The following SPAG17 variants were observed in gnomAD, a reference collection of about 807,000 sequenced individuals.
SPAG17 encodes the protein sperm-associated antigen 17.
A neutral mutation model predicts 273.6 loss-of-function variants in SPAG17; 169 were observed. The ratio of observed to expected loss-of-function variants is 0.62; its 90% confidence interval spans 0.55 to 0.70. SPAG17 has a LOEUF of 0.70. Among genes scored for constraint, SPAG17 ranks in the 30% least tolerant of loss-of-function variants. SPAG17 has a pLI of 0.00. For synonymous variants in SPAG17, 825 were observed against 873.2 expected, an observed-to-expected ratio of 0.94 and a Z score of 0.97; for missense variants, 2,557 against 2,627.8, an observed-to-expected ratio of 0.97 and a Z score of 0.59.
intron 31 of SPAG17, among the ~76,000 whole-genome samples, chr1:118,006,661 GTTGTTT>G (rs1421866524): frequency 9.2e-5 from 14 of 152,330 alleles, no homozygotes; most frequent in African/African-American, 3.4e-4. Context: ...GAAGTGCCAA[GTTGTTT>G]TCCAAAGTGA....
rs1223142264 is a variant in SPAG17, at chr1:118,028,409, GC to G, written c.3610-16del. 2 of 1,611,040 alleles carry G rather than the reference GC, an allele frequency of 1.2e-6. No homozygotes were observed. The highest frequency in any genetic ancestry group is 2.7e-5 in the African/African-American group (2 of 74,676). On this transcript the variant is annotated splice_polypyrimidine_tract_variant and intron_variant, in intron 25 of 48. Coordinates refer to ENST00000336338, the MANE Select transcript of SPAG17 (RefSeq NM_206996.4). ...ACTTCTTCTTCCTGTAAATAATTCA[GC>G]ATGTGAATAATGGGCTGTCATTTTC...
Position 118,185,070 on chromosome 1 carries a change from C to G in SPAG17, c.87+1G>C, listed in dbSNP as rs1411465732. 6.2e-7 allele frequency: 1 copy of G among 1,613,938 alleles called. No homozygotes were observed. Among genetic ancestry groups the G allele is most frequent in the Admixed American group, 1.7e-5 (1 of 60,026 alleles). On this transcript the variant is annotated splice_donor_variant, in intron 1 of 48. Coordinates refer to ENST00000336338, the MANE Select transcript of SPAG17 (RefSeq NM_206996.4). LOFTEE classifies it high-confidence loss of function. ...GAGGGCTTAAAGGGCTCAAGGCTCA[C>G]CTGATTGAACTGTGCAGCTATGAGC... is the stretch of plus-strand genomic sequence containing the variant.
intron 2 of SPAG17, among the ~76,000 whole-genome samples, chr1:118,150,887 T>C (rs1205375452): frequency 6.6e-6 from 1 of 152,194 alleles, no homozygotes; most frequent in Non-Finnish European, 1.5e-5. Context: ...GTAGCCTTCA[T>C]TTTCCAATTA....
At chr1:118,036,617 C>CAA in intron 24 of SPAG17, 153 bp downstream of exon 24, 1 of 602,840 alleles carries the variant, frequency 1.7e-6, no homozygotes, top group Non-Finnish European at 3.0e-6. Context: ...CACACACACA[C>CAA]ACACACACCT....
intron 6 of SPAG17, among the ~76,000 whole-genome samples, chr1:118,098,670 TGA>T (rs1046721113): frequency 6.6e-6 from 1 of 152,106 alleles, no homozygotes; most frequent in African/African-American, 2.4e-5. Flanking sequence ...GCCTCTAGAC[TGA>T]GAGTCCATTT....
At chr1:118,040,457 T>C (rs1341422778) in intron 22 of SPAG17, among the ~76,000 whole-genome samples, 2 of 152,288 alleles carry the variant, frequency 1.3e-5, no homozygotes, top group East Asian at 3.9e-4. Context: ...TTACTATTAC[T>C]ATTTACCAAT....
intron 48 of SPAG17, chr1:117,959,198 A>C: frequency 1.4e-6 from 2 of 1,467,008 alleles, no homozygotes; most frequent in South Asian, 2.7e-5. Flanking sequence ...ATAAGTAACA[A>C]CACCTGAAGC....
rs983935981 is a variant in SPAG17, at chr1:118,180,282, A to C, written c.87+4789T>G. ...AATACTATTCAGCCATACAATATGA[A>C]ATCTTGTCCTTTATAGCAACAAGGA... is the stretch of plus-strand genomic sequence containing the variant. On this transcript the variant is annotated intron_variant, in intron 1 of 48. Transcript: ENST00000336338. Among the ~76,000 whole-genome samples the C allele has an allele frequency of 2.0e-5, 3 of 152,192 alleles. No homozygotes were observed. In the East Asian group the frequency reaches 5.8e-4, roughly 29 times the overall value.
intron 18 of SPAG17, among the ~76,000 whole-genome samples, chr1:118,059,160 A>G (rs1413108787): frequency 6.6e-6 from 1 of 152,194 alleles, no homozygotes; most frequent in Non-Finnish European, 1.5e-5. Flanking sequence ...TTTTAGAAGA[A>G]TTGAAAAAGT....
At chr1:118,065,118 T>C (rs1210651373) in intron 18 of SPAG17, among the ~76,000 whole-genome samples, 2 of 152,138 alleles carry the variant, frequency 1.3e-5, no homozygotes, top group South Asian at 4.1e-4. Flanking sequence ...AGATTAAAAA[T>C]GTTAAGAACG....
In SPAG17 at chr1:118,097,808, C is replaced by G; in HGVS notation, c.873G>C (p.Glu291Asp). The change falls in exon 7 of 49, where the codon GAG becomes GAC. Residue 291 changes from glutamate to aspartate, a missense_variant. Glu to Asp is a conservative substitution (Grantham distance 45). Coordinates refer to ENST00000336338, the MANE Select transcript of SPAG17 (RefSeq NM_206996.4). ...CCAAGTACTTCCAGAAAGTTTTAAG[C>G]TCTTTTATGGCATTTTCTTTCTTCA... ...EKLKKENAIK[E>D]LKTFWKYLEP... The G allele has an allele frequency of 1.9e-6, 3 of 1,603,552 alleles. No homozygotes were observed. Among genetic ancestry groups the G allele is most frequent in the Non-Finnish European group, 2.5e-6 (3 of 1,176,756 alleles).
intron 3 of SPAG17, among the ~76,000 whole-genome samples, chr1:118,122,463 GT>G (rs1657478541): frequency 6.6e-6 from 1 of 152,172 alleles, no homozygotes; most frequent in Non-Finnish European, 1.5e-5. Context: ...CCTCAGGCAA[GT>G]TACTTAACCC....
At position 117,996,486 on chromosome 1, in the gene SPAG17, T is replaced by C. The variant is rs965146483; in HGVS notation, c.4937A>G (p.Tyr1646Cys). ...GEHVPRFFVM[Y>C]ADGSGMELLR... ...AAGTTCCATTCCTGATCCATCAGCA[T>C]ACATAACAAAAAACCTATTTGAAGA... Residue 1646 changes from tyrosine (Y) to cysteine (C), a missense_variant, in exon 34 of 49, where the codon TAT (tyrosine) becomes TGT (cysteine). Coordinates refer to ENST00000336338, the MANE Select transcript of SPAG17 (RefSeq NM_206996.4). 6.2e-7 allele frequency: 1 copy of C among 1,612,174 alleles called. No individual in the cohort carries two copies. The highest frequency in any genetic ancestry group is 1.7e-5 in the Admixed American group (1 of 59,592).
At chr1:118,025,090 A>ACATAGTGTTTTAATT in intron 27 of SPAG17, 148 bp downstream of exon 27, 1 of 636,148 alleles carries the variant, frequency 1.6e-6, no homozygotes, top group South Asian at 2.2e-5. Context: ...TTTAATTCTA[A>ACATAGTGTTTTAATT]CTATATTATT....
At chr1:118,143,485 C>T (rs1658791987) in intron 3 of SPAG17, among the ~76,000 whole-genome samples, 1 of 151,912 alleles carries the variant, frequency 6.6e-6, no homozygotes, top group Non-Finnish European at 1.5e-5. Context: ...ATAGCTTGAA[C>T]CCCAGGAGTT....
At chr1:118,056,358 A>G (rs925063854) in intron 18 of SPAG17, among the ~76,000 whole-genome samples, 1 of 152,206 alleles carries the variant, frequency 6.6e-6, no homozygotes, top group Non-Finnish European at 1.5e-5. Flanking sequence ...ACCAATTAAT[A>G]CTCACTGGAT....
At chr1:118,129,587 G>A (rs1023643874) in intron 3 of SPAG17, among the ~76,000 whole-genome samples, 8 of 152,026 alleles carry the variant, frequency 5.3e-5, no homozygotes, top group African/African-American at 1.9e-4. Context: ...CCTTGCCCTT[G>A]CTAACTCTCA....
intron 32 of SPAG17, among the ~76,000 whole-genome samples, chr1:118,001,301 C>T (rs2101710517): frequency 6.6e-6 from 1 of 152,280 alleles, no homozygotes; most frequent in African/African-American, 2.4e-5. Flanking sequence ...TGTGTCTCTG[C>T]CAGGCTTTGA....
At chr1:118,170,025 T>C (rs1660347734) in intron 1 of SPAG17, among the ~76,000 whole-genome samples, 1 of 152,206 alleles carries the variant, frequency 6.6e-6, no homozygotes, top group South Asian at 2.1e-4. Context: ...AATGGGTCAT[T>C]GCATAGTTCT....
Sources: allele counts gnomAD v4.1 joint callset (sites outside exome capture counted in the v4.1 genomes callset), GRCh38; gene constraint gnomAD v4.1.1; transcripts MANE v1.5; gene names NCBI Gene and HGNC (gene_info 2026-07-23, HGNC 2026-07-21).